The following TAF12 variants were observed in gnomAD, a reference collection of about 807,000 sequenced individuals.
TAF12 encodes TATA-box binding protein associated factor 12.
In TAF12, 3 loss-of-function variants were observed where a neutral mutation model predicts 20.8. That is an observed-to-expected ratio of 0.14 (90% CI 0.07 to 0.37). The LOEUF (loss-of-function observed/expected upper bound fraction) is 0.37. Among genes scored for constraint, TAF12 ranks in the 10% least tolerant of loss-of-function variants. The pLI is 1.00. For synonymous variants in TAF12, 69 were observed against 70.2 expected (o/e 0.98, Z 0.09); for missense variants, 131 against 197.9 (o/e 0.66, Z 2.03).
chr1:28,604,842 C>T (rs963703756), intron 5 of TAF12, among the ~76,000 whole-genome samples: 23 of 152,182 alleles, frequency 1.5e-4, no homozygotes, highest in Admixed American at 6.6e-5. Context: ...GGATGACTTG[C>T]TCCACAGCAG....
rs1042505073 is a variant in TAF12, at chr1:28,617,480, G to A, written c.246+473C>T. 5.4e-5 allele frequency among the ~76,000 whole-genome samples: 8 copies of A among 148,642 alleles called. No individual in the cohort carries two copies. The South Asian group carries it at 8.6e-4, about 16-fold the overall frequency. On this transcript the variant is annotated intron_variant, in intron 3 of 5. Transcript: ENST00000373824. ...TTTTTTTTTTTTGAGATGGAGTCTT[G>A]CTCTGTCGCCTAGGCTGGAGTGCAG...
At chr1:28,613,211 T>A in intron 4 of TAF12, 36 bp downstream of exon 4, 1 of 1,555,418 alleles carries the variant, frequency 6.4e-7, no homozygotes, top group African/African-American at 1.4e-5. Context: ...AAGAAGCAGT[T>A]GAATCCATAC....
chr1:28,628,221 CAGGGGGTGGG>C (rs1667485092), intron 1 of TAF12, among the ~76,000 whole-genome samples: 1 of 10,292 alleles, frequency 9.7e-5, no homozygotes, highest in African/African-American at 7.6e-4. Flanking sequence ...AGACACGGTG[CAGGGGGTGGG>C]GGGGGGGGGG....
intron 1 of TAF12, among the ~76,000 whole-genome samples, chr1:28,638,823 GCT>G (rs1417287716): frequency 2.6e-5 from 3 of 116,122 alleles, no homozygotes; most frequent in Non-Finnish European, 5.0e-5. Flanking sequence ...ACAGAGCCTT[GCT>G]CTGTCACCCG....
intron 5 of TAF12, 91 bp downstream of exon 5, chr1:28,605,281 G>A (rs1345684494): frequency 7.4e-7 from 1 of 1,353,000 alleles, no homozygotes; most frequent in African/African-American, 1.4e-5. Context: ...GAGGAAGCGA[G>A]GCCCCCTAGA....
intron 1 of TAF12, among the ~76,000 whole-genome samples, chr1:28,635,276 C>CTTTTT (rs1179724707): frequency 9.9e-6 from 1 of 100,636 alleles, no homozygotes. Context: ...ATCCTCCCTC[C>CTTTTT]TTTTTTTTTT....
chr1:28,633,738 C>T (rs1301213557), intron 1 of TAF12, among the ~76,000 whole-genome samples: 2 of 151,184 alleles, frequency 1.3e-5, no homozygotes, highest in Non-Finnish European at 3.0e-5. Flanking sequence ...ATGGTGAAAC[C>T]CCGTCTCTAC....
In TAF12 at chr1:28,618,013, T is replaced by C; in HGVS notation, c.186A>G (p.Lys62=). ...CCACTTCTCTTACTAAGTCCTGTAA[T>C]TTCTTCTTGGTCAATACCTAAAGTT... is the stretch of plus-strand genomic sequence containing the variant. ...PENNQVLTKK[K]LQDLVREVDP... The change falls in exon 3 of 6, where the codon AAA becomes AAG. Residue 62 remains lysine (K), a synonymous_variant. Transcript: ENST00000373824. The C allele has an allele frequency of 6.2e-7, 1 of 1,613,806 alleles. No individual in the cohort carries two copies. The highest frequency in any genetic ancestry group is 1.3e-5 in the African/African-American group (1 of 75,052).
At chr1:28,633,469 A>C (rs1010810184) in intron 1 of TAF12, among the ~76,000 whole-genome samples, 6 of 149,840 alleles carry the variant, frequency 4.0e-5, no homozygotes, top group African/African-American at 1.2e-4. Context: ...TATCCAACCG[A>C]AAATAAATTT....
In TAF12 at chr1:28,622,089, C is replaced by T. The variant is rs758834398; in HGVS notation, c.-8G>A. Reference sequence around the variant, plus strand: ...GGGGCCAAACTGGTTCATAATCTGCCGAGCTTTGGACTTCAGCTCATAGAG... The same window carrying T: ...GGGGCCAAACTGGTTCATAATCTGCTGAGCTTTGGACTTCAGCTCATAGAG... On this transcript the variant is annotated 5_prime_UTR_variant, in exon 2 of 6. Coordinates refer to ENST00000373824, the MANE Select transcript of TAF12 (RefSeq NM_005644.4). 9.3e-6 allele frequency: 15 copies of T among 1,609,582 alleles called. No individual in the cohort carries two copies. Among genetic ancestry groups the T allele is most frequent in the South Asian group, 3.3e-5 (3 of 90,486 alleles).
intron 1 of TAF12, among the ~76,000 whole-genome samples, chr1:28,628,364 C>CA (rs1054438169): frequency 2.7e-5 from 4 of 147,620 alleles, no homozygotes; most frequent in South Asian, 2.1e-4. Flanking sequence ...GACTCTGTCT[C>CA]AAAAAAAACC....
At chr1:28,625,986 C>CT (rs1234091351) in intron 1 of TAF12, among the ~76,000 whole-genome samples, 108 of 142,374 alleles carry the variant, frequency 7.6e-4, no homozygotes, top group Middle Eastern at 3.7e-3. Flanking sequence ...AGCCCCGTCT[C>CT]TTTTTTTTTT....
At chr1:28,635,239 A>T (rs1667778514) in intron 1 of TAF12, among the ~76,000 whole-genome samples, 1 of 150,492 alleles carries the variant, frequency 6.6e-6, no homozygotes, top group South Asian at 2.1e-4. Context: ...CAAATAAATA[A>T]ATAAATAAAT....
intron 1 of TAF12, among the ~76,000 whole-genome samples, chr1:28,626,159 A>C (rs970362024): frequency 4.6e-5 from 7 of 151,256 alleles, no homozygotes; most frequent in Admixed American, 1.3e-4. Context: ...TTGTATTTTT[A>C]GTAGAGGAGG....
At chr1:28,648,178 T>C (rs986740333) in intron 1 of TAF12, 2 of 985,218 alleles carry the variant, frequency 2.0e-6, no homozygotes, top group Admixed American at 6.2e-5. Context: ...AGGTTGTGAT[T>C]CTTGTCTTCC....
chr1:28,630,643 T>C (rs1317349539), intron 1 of TAF12, among the ~76,000 whole-genome samples: 2 of 151,980 alleles, frequency 1.3e-5, no homozygotes, highest in African/African-American at 4.8e-5. Context: ...TGACTTCGGG[T>C]TAGTCAGAGT....
intron 1 of TAF12, among the ~76,000 whole-genome samples, chr1:28,642,317 T>C (rs1325969499): frequency 6.6e-6 from 1 of 152,152 alleles, no homozygotes; most frequent in East Asian, 1.9e-4. Flanking sequence ...TGTGAAAAAA[T>C]GGATCACTAA....
At chr1:28,613,212 G>T in intron 4 of TAF12, 35 bp downstream of exon 4, 1 of 1,550,430 alleles carries the variant, frequency 6.4e-7, no homozygotes. Flanking sequence ...AGAAGCAGTT[G>T]AATCCATACT....
intron 4 of TAF12, among the ~76,000 whole-genome samples, chr1:28,607,672 A>C (rs1323358949): frequency 1.3e-5 from 2 of 151,826 alleles, no homozygotes; most frequent in African/African-American, 4.8e-5. Flanking sequence ...ACTCCATCTC[A>C]AAAAGAAAAC....
Sources: allele counts gnomAD v4.1 joint callset (sites outside exome capture counted in the v4.1 genomes callset), GRCh38; gene constraint gnomAD v4.1.1; transcripts MANE v1.5; gene names NCBI Gene and HGNC (gene_info 2026-07-23, HGNC 2026-07-21).